Variants in FAM120B observed in about 807,000 individuals in gnomAD.
FAM120B encodes family with sequence similarity 120 member B, also known as constitutive coactivator of peroxisome proliferator-activated receptor gamma.
Under a neutral mutation model 96.3 loss-of-function variants are expected in FAM120B, and 83 were observed. The ratio of observed to expected loss-of-function variants is 0.86; its 90% confidence interval spans 0.72 to 1.03. FAM120B has a LOEUF of 1.03. Among genes scored for constraint, FAM120B ranks in the 50% least tolerant of loss-of-function variants. FAM120B has a pLI of 0.00. For synonymous variants in FAM120B, 407 were observed against 402.7 expected (o/e 1.01, Z -0.13); for missense variants, 1,027 against 1,121.2 (o/e 0.92, Z 1.20).
intron 9 of FAM120B, among the ~76,000 whole-genome samples, chr6:170,396,719 G>A (rs1778185922): frequency 6.6e-6 from 1 of 152,128 alleles, no homozygotes; most frequent in Admixed American, 6.5e-5. Flanking sequence ...TAAATCATCC[G>A]AGTATTTATA....
Position 170,405,708 on chromosome 6 carries a change from T to G in FAM120B, c.*957T>G, listed in dbSNP as rs1554294022. 1 of 152,238 alleles carries G rather than the reference T, an allele frequency of 6.6e-6. No homozygotes were observed. The highest frequency in any genetic ancestry group is 1.5e-5 in the Non-Finnish European group (1 of 68,032). 9.4% of individuals were successfully genotyped at this position (152,238 alleles called of 1,614,324 possible). A position where few individuals can be genotyped will look rare whatever the true frequency, so the allele number is the denominator to read the frequency against. On this transcript the variant is annotated 3_prime_UTR_variant, in exon 11 of 11. Coordinates refer to ENST00000476287, the MANE Select transcript of FAM120B (RefSeq NM_032448.3). ...AAAGTAACAACTAACTTCCCATCTT[T>G]CTGGTGGAAGAGTTAATTCTGCCTG...
At chr6:170,290,787 A>T (rs949169171), upstream of FAM120B, 2 of 543,558 alleles carry the variant, frequency 3.7e-6, no homozygotes, top group Admixed American at 6.5e-5. This position sits in a 1 kb window ranked among gnomAD's most constrained non-coding sequence, Gnocchi z 4.7. Flanking sequence ...TTTCCGATGA[A>T]TCCAGCCAAT....
At chr6:170,335,047 T>G (rs950311741) in intron 4 of FAM120B, among the ~76,000 whole-genome samples, 2 of 143,460 alleles carry the variant, frequency 1.4e-5, no homozygotes, top group African/African-American at 2.6e-5. Flanking sequence ...TTTTTTTTTG[T>G]TTTTTTTTTT....
At chr6:170,389,247 T>G (rs1790354810) in intron 7 of FAM120B, among the ~76,000 whole-genome samples, 1 of 152,244 alleles carries the variant, frequency 6.6e-6, no homozygotes, top group South Asian at 2.1e-4. Context: ...ATACTCCTTA[T>G]ACAATAGCCC....
At chr6:170,378,615 G>C (rs547614408) in intron 6 of FAM120B, among the ~76,000 whole-genome samples, 5 of 152,336 alleles carry the variant, frequency 3.3e-5, no homozygotes, top group African/African-American at 1.2e-4. Context: ...AGAGACAGGA[G>C]GCAGGAAGCA....
intron 9 of FAM120B, among the ~76,000 whole-genome samples, chr6:170,401,056 T>C (rs1017973268): frequency 2.0e-5 from 3 of 152,208 alleles, no homozygotes; most frequent in African/African-American, 7.2e-5. Flanking sequence ...TCCAGAAATT[T>C]CTCATCCTCA....
chr6:170,404,188 G>T (rs189580478), intron 9 of FAM120B: 1 of 202,928 alleles, frequency 4.9e-6, no homozygotes, highest in African/African-American at 2.3e-5. Flanking sequence ...AGAGCTGCAC[G>T]TGGGCTTTTC....
chr6:170,307,352 A>T (rs1784355958), intron 1 of FAM120B, among the ~76,000 whole-genome samples: 1 of 152,214 alleles, frequency 6.6e-6, no homozygotes, highest in Non-Finnish European at 1.5e-5. Flanking sequence ...AGACAGACAG[A>T]AAGACAGGGT....
At position 170,391,097 on chromosome 6, in the gene FAM120B, G is replaced by T; in HGVS notation, c.2575G>T (p.Ala859Ser). The T allele has an allele frequency of 6.2e-7, 1 of 1,614,080 alleles. No individual in the cohort carries two copies. Among genetic ancestry groups the T allele is most frequent in the African/African-American group, 1.3e-5 (1 of 75,068 alleles). Residue 859 changes from alanine (A) to serine (S), a missense_variant, in exon 8 of 11, where the codon GCC becomes TCC. Around this residue, in one of 3 missense-constraint regions of FAM120B, gnomAD observed 142 missense variants for 122.5 expected, o/e 1.16. Coordinates refer to ENST00000476287, the MANE Select transcript of FAM120B (RefSeq NM_032448.3). ...MKENRRITGRAHWGSHHAGRW... is the reference protein window; with the variant it reads ...MKENRRITGRSHWGSHHAGRW... ...GGAGAACAGACGCATCACTGGCCGA[G>T]CCCACTGGGGCTCACACCACGCAGG... is the stretch of plus-strand genomic sequence containing the variant.
At chr6:170,306,585 G>C (rs978073013), upstream of FAM120B, 2 of 152,216 alleles carry the variant, frequency 1.3e-5, no homozygotes, top group African/African-American at 4.8e-5. Context: ...ACAGGCCGCG[G>C]CGTCCCACGC....
chr6:170,319,386 G>T (rs746200240), intron 2 of FAM120B, among the ~76,000 whole-genome samples: 1 of 152,160 alleles, frequency 6.6e-6, no homozygotes. Flanking sequence ...CAGGGAGAAG[G>T]CCGGGCGTGG....
intron 8 of FAM120B, among the ~76,000 whole-genome samples, chr6:170,394,430 G>A (rs1790618748): frequency 1.3e-5 from 2 of 152,090 alleles, no homozygotes; most frequent in African/African-American, 2.4e-5. Flanking sequence ...CCAGCACAAG[G>A]CCACGCCTCC....
rs1463847397 is a variant in FAM120B at position 170,295,361 on chromosome 6, T to C, written c.-45T>C. ...GTGGACTTACAAGCCCACGAAGCCA[T>C]CGTTCGTCACAGCCTGGAAAAGGGA... On this transcript the variant is annotated 5_prime_UTR_variant, in exon 1 of 11. Transcript: ENST00000537664. This position sits in a 1 kb window ranked among gnomAD's most constrained non-coding sequence, Gnocchi z 7.8. 1 of 699,784 alleles carries C rather than the reference T, an allele frequency of 1.4e-6. No individual in the cohort carries two copies. Among genetic ancestry groups the C allele is most frequent in the East Asian group, 2.7e-5 (1 of 37,040 alleles). The allele number at this position is 699,784 out of a possible 1,614,324, so 43.3% of individuals were successfully genotyped here.
intron 1 of FAM120B, chr6:170,298,066 T>C (rs1373005476): frequency 6.6e-6 from 1 of 152,240 alleles, no homozygotes; most frequent in Non-Finnish European, 1.5e-5. Context: ...ATGAGTCCTT[T>C]AGTGCCATTG....
At chr6:170,338,755 A>T (rs981277114) in intron 4 of FAM120B, among the ~76,000 whole-genome samples, 1 of 149,070 alleles carries the variant, frequency 6.7e-6, no homozygotes, top group Non-Finnish European at 1.5e-5. Context: ...TGTTGCATTG[A>T]TCCCTTTACC....
intron 9 of FAM120B, among the ~76,000 whole-genome samples, chr6:170,401,884 C>G (rs941188268): frequency 1.3e-5 from 2 of 152,256 alleles, no homozygotes. Context: ...GGTTACTCAG[C>G]CTGTAGTAAA....
At chr6:170,295,244 C>T (rs1314055464), upstream of FAM120B, 2 of 585,316 alleles carry the variant, frequency 3.4e-6, no homozygotes, top group Non-Finnish European at 6.2e-6. The surrounding 1 kb of genome is among the most constrained non-coding windows in gnomAD (Gnocchi z 7.8). Context: ...TAGACCTTAC[C>T]CCCCAACACA....
At chr6:170,297,849 G>A (rs1349436976) in intron 1 of FAM120B, 1 of 152,176 alleles carries the variant, frequency 6.6e-6, no homozygotes, top group Non-Finnish European at 1.5e-5. Flanking sequence ...CCCCTTCTGT[G>A]TAAGGCCTTT....
At chr6:170,361,402 G>A (rs1788454260) in intron 6 of FAM120B, among the ~76,000 whole-genome samples, 1 of 151,614 alleles carries the variant, frequency 6.6e-6, no homozygotes, top group Non-Finnish European at 1.5e-5. Context: ...CTGCAATAAT[G>A]TTATAAGTAA....
Sources: gnomAD v4.1 joint callset for allele counts (sites outside exome capture counted in the v4.1 genomes callset) on GRCh38, gnomAD v4.1.1 for gene constraint, gnomAD v4.1.1 regional missense constraint, Gnocchi (gnomAD v3.1) non-coding constraint, MANE v1.5 for transcripts, NCBI Gene and HGNC (gene_info 2026-07-23, HGNC 2026-07-21) for gene names.